Variants in KHDRBS2 observed in about 807,000 individuals in gnomAD.
The protein encoded by KHDRBS2 is KH domain-containing, RNA-binding, signal transduction-associated protein 2.
In KHDRBS2, 26 loss-of-function variants were observed where a neutral mutation model predicts 44.3. The observed-to-expected ratio is 0.59, with a 90% CI of 0.43 to 0.81. The LOEUF (loss-of-function observed/expected upper bound fraction) is 0.81, where lower values mean the gene tolerates loss of function less well. KHDRBS2 is among the 40% of genes least tolerant of loss of function. KHDRBS2 has a pLI of 0.00. For missense variants in KHDRBS2, 476 were observed against 433.1 expected, an observed-to-expected ratio of 1.10 and a Z score of -0.88; for synonymous variants, 194 against 151.1, an observed-to-expected ratio of 1.28 and a Z score of -2.08.
intron 6 of KHDRBS2, among the ~76,000 whole-genome samples, chr6:61,840,863 C>A (rs1316963679): frequency 6.6e-6 from 1 of 152,050 alleles, no homozygotes; most frequent in African/African-American, 2.4e-5. Flanking sequence ...GTTTCATTCC[C>A]GAAACATGCA....
chr6:62,023,066 A>C (rs142548864), intron 3 of KHDRBS2, among the ~76,000 whole-genome samples: 1 of 151,716 alleles, frequency 6.6e-6, no homozygotes, highest in Non-Finnish European at 1.5e-5. Context: ...TTAGAACGTG[A>C]AAAAGAAAAA....
At position 62,189,297 on chromosome 6, in the gene KHDRBS2, A is replaced by C. The variant is rs368940234; in HGVS notation, c.92-11985T>G. Among the ~76,000 whole-genome samples the C allele has an allele frequency of 1.8e-4, 28 of 152,164 alleles. No individual in the cohort carries two copies. The East Asian group carries it at 4.5e-3, about 24-fold the overall frequency. ...CCACCTTAGAAATAAGTCCTCTCTC[A>C]ACAGTAAGGCTTTCAAATGACCACC... On this transcript the variant is annotated intron_variant, in intron 1 of 8. Transcript: ENST00000281156.
intron 6 of KHDRBS2, among the ~76,000 whole-genome samples, chr6:61,876,238 A>T (rs1212315719): frequency 6.6e-6 from 1 of 152,016 alleles, no homozygotes; most frequent in Admixed American, 6.6e-5. Context: ...TTATAACAAG[A>T]TCAATTTCCA....
chr6:61,590,602 C>T, the KHDRBS2 span, among the ~76,000 whole-genome samples: 127 of 152,248 alleles, frequency 8.3e-4, no homozygotes, highest in African/African-American at 2.9e-3. Flanking sequence ...AGTAGGACTT[C>T]TCTTCTTTGA....
At chr6:62,228,797 G>A (rs1012929579) in intron 1 of KHDRBS2, among the ~76,000 whole-genome samples, 2 of 152,144 alleles carry the variant, frequency 1.3e-5, no homozygotes, top group Admixed American at 1.3e-4. Context: ...TTACCCAGGA[G>A]TCATTCAGGA....
intron 7 of KHDRBS2, among the ~76,000 whole-genome samples, chr6:61,724,825 C>T (rs1469090113): frequency 2.0e-5 from 3 of 152,096 alleles, no homozygotes; most frequent in Non-Finnish European, 2.9e-5. Context: ...TCTTAGAGAC[C>T]TACAAGGAGA....
At chr6:61,992,417 A>C (rs1033576383) in intron 3 of KHDRBS2, among the ~76,000 whole-genome samples, 1 of 152,176 alleles carries the variant, frequency 6.6e-6, no homozygotes. Flanking sequence ...ATATTTAGCT[A>C]GACTCCACAG....
At chr6:61,922,646 T>C (rs1808273034) in intron 4 of KHDRBS2, among the ~76,000 whole-genome samples, 1 of 152,040 alleles carries the variant, frequency 6.6e-6, no homozygotes, top group Non-Finnish European at 1.5e-5. Flanking sequence ...ATAATTCACA[T>C]GGATATCAGG....
At chr6:61,622,558 T>G in the KHDRBS2 span, among the ~76,000 whole-genome samples, 1 of 152,158 alleles carries the variant, frequency 6.6e-6, no homozygotes, top group African/African-American at 2.4e-5. Flanking sequence ...TGGGGTGTCT[T>G]TTATTGGAAC....
At chr6:61,608,857 G>C in the KHDRBS2 span, among the ~76,000 whole-genome samples, 1 of 152,130 alleles carries the variant, frequency 6.6e-6, no homozygotes, top group Non-Finnish European at 1.5e-5. Context: ...ATTTGGGTTG[G>C]TTCCAAGTCT....
chr6:61,625,132 T>C, the KHDRBS2 span, among the ~76,000 whole-genome samples: 1 of 151,966 alleles, frequency 6.6e-6, no homozygotes, highest in Non-Finnish European at 1.5e-5. Flanking sequence ...TCAATTTTAA[T>C]GGTTAATTGA....
chr6:62,051,544 CAT>C (rs1196112738), intron 2 of KHDRBS2, among the ~76,000 whole-genome samples: 1 of 151,706 alleles, frequency 6.6e-6, no homozygotes, highest in African/African-American at 2.4e-5. Context: ...TCTGAGAAAA[CAT>C]AGGTTCAAAA....
intron 2 of KHDRBS2, among the ~76,000 whole-genome samples, chr6:62,173,025 G>A (rs1428731912): frequency 1.3e-5 from 2 of 151,950 alleles, no homozygotes; most frequent in African/African-American, 2.4e-5. Context: ...ACACCTAGAG[G>A]AAGTAGAGAA....
chr6:62,145,198 G>A (rs185903790), intron 2 of KHDRBS2, among the ~76,000 whole-genome samples: 97 of 151,152 alleles, frequency 6.4e-4, no homozygotes, highest in African/African-American at 2.3e-3. Context: ...TAATTTTTAT[G>A]TTTTCAGTTC....
chr6:61,582,918 A>G, the KHDRBS2 span, among the ~76,000 whole-genome samples: 1 of 151,856 alleles, frequency 6.6e-6, no homozygotes, highest in Admixed American at 6.6e-5. Flanking sequence ...AAAATTGGAC[A>G]AAATTAATTA....
rs112199027 is a variant in KHDRBS2, at chr6:62,214,079, A to G, written c.92-36767T>C. 1.9e-3 allele frequency among the ~76,000 whole-genome samples: 287 copies of G among 152,230 alleles called. 1 individual carries two copies. The highest frequency in any genetic ancestry group is 6.5e-3 in the African/African-American group (272 of 41,554). ...GGCAAATTGAACAGCTTTATCTTCTATCTCTTGCAGGTCTCTCTGTATGTT... is the reference window on the plus strand; with the variant it reads ...GGCAAATTGAACAGCTTTATCTTCTGTCTCTTGCAGGTCTCTCTGTATGTT... On this transcript the variant is annotated intron_variant, in intron 1 of 8. Transcript: ENST00000281156.
chr6:61,864,681 G>T (rs1210503510), intron 6 of KHDRBS2, among the ~76,000 whole-genome samples: 1 of 152,076 alleles, frequency 6.6e-6, no homozygotes, highest in African/African-American at 2.4e-5. Flanking sequence ...CTTTCTCTCT[G>T]GCTGCCCTTA....
chr6:61,748,373 C>T (rs1200841115), intron 6 of KHDRBS2, among the ~76,000 whole-genome samples: 1 of 152,078 alleles, frequency 6.6e-6, no homozygotes, highest in African/African-American at 2.4e-5. Context: ...ATTTTTGATA[C>T]CTCAGATTTT....
At chr6:61,885,661 C>T (rs777571693) in intron 6 of KHDRBS2, among the ~76,000 whole-genome samples, 1 of 152,150 alleles carries the variant, frequency 6.6e-6, no homozygotes, top group Non-Finnish European at 1.5e-5. Flanking sequence ...CTATTCTTCA[C>T]AGATAGTCAT....
Sources: allele counts gnomAD v4.1 joint callset (sites outside exome capture counted in the v4.1 genomes callset), GRCh38; gene constraint gnomAD v4.1.1; transcripts MANE v1.5; gene names NCBI Gene and HGNC (gene_info 2026-07-23, HGNC 2026-07-21).